The following AMACR variants were observed in gnomAD, a reference collection of about 807,000 sequenced individuals.
The protein encoded by AMACR is 2-methylacyl-CoA racemase.
Under a neutral mutation model 22.2 loss-of-function variants are expected in AMACR, and 18 were observed. The observed-to-expected ratio is 0.81, with a 90% CI of 0.56 to 1.20. AMACR has a LOEUF of 1.20. Among genes scored for constraint, AMACR ranks in the 50% most tolerant of loss-of-function variants. The pLI, the probability that AMACR is intolerant of heterozygous loss-of-function variation, is 0.00. For synonymous variants in AMACR, 213 were observed against 191.3 expected (o/e 1.11, Z -0.94); for missense variants, 499 against 490.6 (o/e 1.02, Z -0.16).
At chr5:33,991,601 C>T (rs1753475754) in intron 4 of AMACR, among the ~76,000 whole-genome samples, 1 of 151,878 alleles carries the variant, frequency 6.6e-6, no homozygotes, top group South Asian at 2.1e-4. Flanking sequence ...ACACAAAATG[C>T]TTATTCTTTT....
intron 4 of AMACR, chr5:33,994,042 C>A (rs1217702630): frequency 2.2e-6 from 1 of 455,726 alleles, no homozygotes; most frequent in East Asian, 6.9e-5. Context: ...AGGGACGCAG[C>A]AGAGTATGCA....
rs897780407 is a variant in AMACR at position 33,988,583 on chromosome 5, T to C, written c.*510A>G. Reference sequence around the variant, plus strand: ...AAACTTTTCTTTGCAAATTACAAAGTGTGATAACTGTTGCTAAAGTTTGGA... The same window carrying C: ...AAACTTTTCTTTGCAAATTACAAAGCGTGATAACTGTTGCTAAAGTTTGGA... On this transcript the variant is annotated 3_prime_UTR_variant, in exon 5 of 5. Transcript: ENST00000335606. The C allele has an allele frequency of 7.5e-7, 1 of 1,341,580 alleles. No homozygotes were observed. The highest frequency in any genetic ancestry group is 9.5e-7 in the Non-Finnish European group (1 of 1,048,460). 83.1% of individuals were successfully genotyped at this position (1,341,580 alleles called of 1,614,324 possible).
In AMACR at chr5:34,005,903, A is replaced by G. The variant is rs374882967; in HGVS notation, c.248-4T>C. Reference sequence around the variant, plus strand: ...AGCTGGAGTTTCTCCATGACACCTTAAGAGAAAAGTAACGATCTTCTTAAG... The same window carrying G: ...AGCTGGAGTTTCTCCATGACACCTTGAGAGAAAAGTAACGATCTTCTTAAG... On this transcript the variant is annotated splice_region_variant and splice_polypyrimidine_tract_variant and intron_variant, in intron 1 of 4. Coordinates refer to ENST00000335606, the MANE Select transcript of AMACR (RefSeq NM_014324.6). 6.8e-6 allele frequency: 11 copies of G among 1,614,026 alleles called. No homozygotes were observed. The African/African-American group carries it at 1.5e-4, about 22-fold the overall frequency.
intron 3 of AMACR, 131 bp from the exon 4 acceptor site, chr5:33,998,958 T>C (rs1753726159): frequency 1.3e-6 from 1 of 782,394 alleles, no homozygotes; most frequent in African/African-American, 1.7e-5. Context: ...TTCTACCTAA[T>C]TACACAACTT....
At chr5:33,989,837 G>A (rs1388520555) in intron 4 of AMACR, among the ~76,000 whole-genome samples, 1 of 151,936 alleles carries the variant, frequency 6.6e-6, no homozygotes, top group African/African-American at 2.4e-5. Flanking sequence ...CAGTCATACT[G>A]AGCTAAAATA....
chr5:33,998,046 T>A (rs577955273), intron 4 of AMACR, among the ~76,000 whole-genome samples: 10 of 151,954 alleles, frequency 6.6e-5, no homozygotes, highest in African/African-American at 2.4e-4. Context: ...TTCAAACATT[T>A]CTCAGGAACA....
intron 3 of AMACR, among the ~76,000 whole-genome samples, chr5:34,004,049 C>A (rs1291685138): frequency 6.6e-6 from 1 of 152,216 alleles, no homozygotes; most frequent in Non-Finnish European, 1.5e-5. Flanking sequence ...GAGGCAAGCA[C>A]TCAGTGGATG....
At chr5:33,991,726 T>TTTTTTATTATTATTATTATTATTA (rs138912654) in intron 4 of AMACR, among the ~76,000 whole-genome samples, 1 of 145,192 alleles carries the variant, frequency 6.9e-6, no homozygotes, top group African/African-American at 2.5e-5. Context: ...TAAACACTAT[T>TTTTTTATTATTATTATTATTATTA]TTATTATTAT....
At chr5:33,991,696 T>C (rs1753478713) in intron 4 of AMACR, among the ~76,000 whole-genome samples, 1 of 150,594 alleles carries the variant, frequency 6.6e-6, no homozygotes. Context: ...TTCAATGATA[T>C]ATGTCCAGGA....
intron 2 of AMACR, 99 bp downstream of exon 2, chr5:34,005,657 T>C (rs1579585188): frequency 1.4e-6 from 2 of 1,425,714 alleles, no homozygotes; most frequent in East Asian, 2.4e-5. Context: ...TTCTGATAAA[T>C]GTTTAAATTT....
rs1382652134 is a variant in AMACR, at chr5:33,989,150, A to C, written c.1092T>G (p.Ile364Met). ...LEEFGFSREE[I>M]YQLNSDKIIE... is the part of the protein sequence containing the mutation. ...TGATTTTATCTGAGTTAAGCTGATA[A>C]ATCTCTTCGCGGCTGAATCCAAATT... Residue 364 changes from isoleucine to methionine, a missense_variant, in exon 5 of 5, where the codon ATT becomes ATG. Coordinates refer to ENST00000335606, the MANE Select transcript of AMACR (RefSeq NM_014324.6). The C allele has an allele frequency of 1.9e-6, 3 of 1,614,194 alleles. No individual in the cohort carries two copies. In the South Asian group the frequency reaches 3.3e-5, roughly 18 times the overall value.
In AMACR at chr5:34,004,713, C is replaced by T. The variant is rs1000843834; in HGVS notation, c.413G>A (p.Arg138Lys). 2.5e-6 allele frequency: 4 copies of T among 1,614,224 alleles called. No homozygotes were observed. Among genetic ancestry groups the T allele is most frequent in the Non-Finnish European group, 3.4e-6 (4 of 1,180,046 alleles). Reference sequence around the variant, plus strand: ...CGGGGCATACGGATTCTCACCACTTCTGCCAATTTTTGAGAGAACACCTAC... The same window carrying T: ...CGGGGCATACGGATTCTCACCACTTTTGCCAATTTTTGAGAGAACACCTAC... ...ALSGVLSKIG[R>K]SGENPYAPLN... The change falls in exon 3 of 5, where the codon AGA becomes AAA. Residue 138 changes from arginine to lysine, a missense_variant. By Grantham distance (26) the Arg-to-Lys change is conservative (BLOSUM62 2). Coordinates refer to ENST00000335606, the MANE Select transcript of AMACR (RefSeq NM_014324.6).
At chr5:33,991,722 C>T (rs1561037796) in intron 4 of AMACR, among the ~76,000 whole-genome samples, 1 of 83,852 alleles carries the variant, frequency 1.2e-5, no homozygotes, top group Non-Finnish European at 2.4e-5. Flanking sequence ...ATTGTAAACA[C>T]TATTTTATTA....
At position 33,988,960 on chromosome 5, in the gene AMACR, T is replaced by A; in HGVS notation, c.*133A>T. 6.6e-7 allele frequency: 1 copy of A among 1,507,540 alleles called. No individual in the cohort carries two copies. Among genetic ancestry groups the A allele is most frequent in the Non-Finnish European group, 8.8e-7 (1 of 1,130,600 alleles). 93.4% of individuals were successfully genotyped at this position (1,507,540 alleles called of 1,614,324 possible). Reference sequence around the variant, plus strand: ...CAATCATCACTGTAGAATCAGAGTCTGTAATTCTTTTCTTGATTAGAGTGG... The same window carrying A: ...CAATCATCACTGTAGAATCAGAGTCAGTAATTCTTTTCTTGATTAGAGTGG... On this transcript the variant is annotated 3_prime_UTR_variant, in exon 5 of 5. Coordinates refer to ENST00000335606, the MANE Select transcript of AMACR (RefSeq NM_014324.6).
In AMACR at chr5:34,005,708, C is replaced by T. The variant is rs755097743; in HGVS notation, c.391+48G>A. 1.5e-4 allele frequency: 241 copies of T among 1,603,366 alleles called. No homozygotes were observed. The Middle Eastern group carries it at 2.0e-3, about 13-fold the overall frequency. On this transcript the variant is annotated intron_variant, in intron 2 of 4. Coordinates refer to ENST00000335606, the MANE Select transcript of AMACR (RefSeq NM_014324.6). ...ATTGTTAATCAACATACCTGTAGATCTTGATGGAATAAATTAAAAGTGTAG... is the reference window on the plus strand; with the variant it reads ...ATTGTTAATCAACATACCTGTAGATTTTGATGGAATAAATTAAAAGTGTAG...
At chr5:34,003,280 C>A (rs1361456956) in intron 3 of AMACR, among the ~76,000 whole-genome samples, 2 of 152,198 alleles carry the variant, frequency 1.3e-5, no homozygotes, top group Non-Finnish European at 2.9e-5. Flanking sequence ...AAGTATCCCA[C>A]CTGGATATCT....
intron 4 of AMACR, chr5:33,993,853 C>G (rs1203772690): frequency 3.3e-6 from 1 of 301,194 alleles, no homozygotes; most frequent in Non-Finnish European, 6.7e-6. Flanking sequence ...GAGCCGAGAT[C>G]ATGCCACTGC....
At chr5:34,003,765 A>G (rs1753888404) in intron 3 of AMACR, among the ~76,000 whole-genome samples, 1 of 152,240 alleles carries the variant, frequency 6.6e-6, no homozygotes, top group Admixed American at 6.5e-5. Flanking sequence ...TAACTGCTTT[A>G]GTACTTGCCC....
rs377286440 is a variant in AMACR at position 33,997,222 on chromosome 5, A to T, written c.739+1419T>A. On this transcript the variant is annotated intron_variant, in intron 4 of 4. Coordinates refer to ENST00000335606, the MANE Select transcript of AMACR (RefSeq NM_014324.6). Reference sequence around the variant, plus strand: ...TTGAGAGCTGTCACCAGCATTAGCGACTAATTCATTAGCTTCTTGATCCTT... The same window carrying T: ...TTGAGAGCTGTCACCAGCATTAGCGTCTAATTCATTAGCTTCTTGATCCTT... 1.3e-5 allele frequency: 10 copies of T among 766,566 alleles called. No homozygotes were observed. In the African/African-American group the frequency reaches 1.7e-4, roughly 13 times the overall value. The allele number at this position is 766,566 out of a possible 1,614,324, so 47.5% of individuals were successfully genotyped here. A position where few individuals can be genotyped will look rare whatever the true frequency, so the allele number is the denominator to read the frequency against.
Sources: allele counts gnomAD v4.1 joint callset (sites outside exome capture counted in the v4.1 genomes callset), GRCh38; gene constraint gnomAD v4.1.1; transcripts MANE v1.5; gene names NCBI Gene and HGNC (gene_info 2026-07-23, HGNC 2026-07-21).